Variants in ARFGEF3 observed in about 807,000 individuals in gnomAD.
ARFGEF3 encodes brefeldin A-inhibited guanine nucleotide-exchange protein 3.
ARFGEF3 carries 96 observed loss-of-function variants against 221.7 expected under a neutral mutation model. The ratio of observed to expected loss-of-function variants is 0.43; its 90% confidence interval spans 0.37 to 0.51. The LOEUF (loss-of-function observed/expected upper bound fraction) is 0.51. ARFGEF3 is among the 20% of genes least tolerant of loss of function. ARFGEF3 has a pLI of 0.00. For synonymous variants in ARFGEF3, 1,145 were observed against 1,126.8 expected (o/e 1.02, Z -0.32); for missense variants, 2,410 against 2,789.9 (o/e 0.86, Z 3.07).
rs1207324178 is a variant in ARFGEF3, at chr6:138,339,836, C to T, written c.*3350C>T. ...CCCTTGTGGTAATTTTCCAGCCTTCCCCATAGATATAAAACTAGAACACCT... is the reference window on the plus strand; with the variant it reads ...CCCTTGTGGTAATTTTCCAGCCTTCTCCATAGATATAAAACTAGAACACCT... On this transcript the variant is annotated 3_prime_UTR_variant, in exon 34 of 34. Coordinates refer to ENST00000251691, the MANE Select transcript of ARFGEF3 (RefSeq NM_020340.5). 1 of 152,180 alleles carries T rather than the reference C, an allele frequency of 6.6e-6. No homozygotes were observed. The highest frequency in any genetic ancestry group is 1.5e-5 in the Non-Finnish European group (1 of 68,056). 9.4% of individuals were successfully genotyped at this position (152,180 alleles called of 1,614,324 possible).
intron 9 of ARFGEF3, 54 bp downstream of exon 9, chr6:138,254,038 T>C (rs1240441302): frequency 1.6e-6 from 2 of 1,220,564 alleles, no homozygotes; most frequent in African/African-American, 1.5e-5. Context: ...GGGCTGCTGC[T>C]GACTGTGTCT....
intron 8 of ARFGEF3, among the ~76,000 whole-genome samples, chr6:138,251,164 G>A (rs1461289774): frequency 6.6e-6 from 1 of 152,156 alleles, no homozygotes; most frequent in East Asian, 1.9e-4. Flanking sequence ...TGATAACCTG[G>A]GGGTTGAAGT....
At chr6:138,245,976 C>G (rs1253784110) in intron 8 of ARFGEF3, among the ~76,000 whole-genome samples, 1 of 152,164 alleles carries the variant, frequency 6.6e-6, no homozygotes, top group Non-Finnish European at 1.5e-5. Context: ...ACCATGCTGC[C>G]CTTTCTTCCT....
intron 4 of ARFGEF3, chr6:138,218,080 A>C: frequency 6.2e-7 from 1 of 1,613,992 alleles, no homozygotes; most frequent in Non-Finnish European, 8.5e-7. Context: ...AATGTGAATA[A>C]TATGGCTTCT....
At chr6:138,335,323 A>C in intron 33 of ARFGEF3, 135 bp downstream of exon 33, 1 of 858,956 alleles carries the variant, frequency 1.2e-6, no homozygotes, top group East Asian at 2.8e-5. Flanking sequence ...TTTCCCTCCA[A>C]AGTCAGAGGA....
chr6:138,332,580 GGTAGCTTAA>G (rs774333213), intron 32 of ARFGEF3, among the ~76,000 whole-genome samples: 3 of 152,062 alleles, frequency 2.0e-5, no homozygotes, highest in Non-Finnish European at 2.9e-5. Flanking sequence ...CAGGTTTACT[GGTAGCTTAA>G]GTAGGAGCTG....
chr6:138,176,942 A>G (rs971354437), intron 2 of ARFGEF3, among the ~76,000 whole-genome samples: 9 of 151,542 alleles, frequency 5.9e-5, no homozygotes, highest in Non-Finnish European at 8.8e-5. Context: ...ATGTCATTCA[A>G]TTTTCTTCTA....
chr6:138,217,823 ATT>A, intron 4 of ARFGEF3: 1 of 983,468 alleles, frequency 1.0e-6, no homozygotes, highest in South Asian at 2.4e-5. Context: ...ATGGGTTTGT[ATT>A]TTAGAATTGA....
At chr6:138,185,099 G>T (rs534888521) in intron 2 of ARFGEF3, among the ~76,000 whole-genome samples, 101 of 152,274 alleles carry the variant, frequency 6.6e-4, no homozygotes, top group African/African-American at 2.3e-3. Flanking sequence ...TGCTTCCAAG[G>T]AGGCTGGCCA....
At position 138,291,079 on chromosome 6, in the gene ARFGEF3, C is replaced by G. The variant is rs976945010; in HGVS notation, c.3048-654C>G. The stretch of plus-strand genomic sequence containing the variant: ...ACTTACTCCGAGATGAGGGACCTTG[C>G]GAACCATCTTCGTCCCAGGTTCTGT... On this transcript the variant is annotated intron_variant, in intron 18 of 33. Coordinates refer to ENST00000251691, the MANE Select transcript of ARFGEF3 (RefSeq NM_020340.5). The surrounding 1 kb of genome is among the most constrained non-coding windows in gnomAD (Gnocchi z 4.5). Among the ~76,000 whole-genome samples, 5 of 152,270 alleles carry G rather than the reference C, an allele frequency of 3.3e-5. No homozygotes were observed. In the East Asian group the frequency reaches 5.8e-4, roughly 18 times the overall value.
At position 138,209,780 on chromosome 6, in the gene ARFGEF3, T is replaced by C. The variant is rs139777418; in HGVS notation, c.220-130T>C. 9.7e-5 allele frequency: 113 copies of C among 1,170,798 alleles called. No individual in the cohort carries two copies. In the African/African-American group the frequency reaches 1.6e-3, roughly 17 times the overall value. The allele number at this position is 1,170,798 out of a possible 1,614,324, so 72.5% of individuals were successfully genotyped here. Reference sequence around the variant, plus strand: ...CTTTTTAACGGCACATAGCGTAAGTTCTTTCTTAATGGCCTCCAGCTACAC... The same window carrying C: ...CTTTTTAACGGCACATAGCGTAAGTCCTTTCTTAATGGCCTCCAGCTACAC... On this transcript the variant is annotated intron_variant, in intron 3 of 33. Coordinates refer to ENST00000251691, the MANE Select transcript of ARFGEF3 (RefSeq NM_020340.5).
chr6:138,289,747 A>T (rs1562380806), intron 17 of ARFGEF3, 71 bp from the exon 18 acceptor site: 1 of 1,504,170 alleles, frequency 6.6e-7, no homozygotes, highest in Admixed American at 2.0e-5. Context: ...CATGACACAC[A>T]TTCTTTCATT....
In ARFGEF3 at chr6:138,334,740, A is replaced by G. The variant is rs1000169917; in HGVS notation, c.5894A>G (p.Asp1965Gly). The G allele has an allele frequency of 4.3e-6, 7 of 1,609,402 alleles. No homozygotes were observed. In the African/African-American group the frequency reaches 8.0e-5, roughly 18 times the overall value. Residue 1965 changes from aspartate to glycine, a missense_variant, in exon 33 of 34, where the codon GAC becomes GGC. Asp to Gly is a moderately conservative substitution (Grantham distance 94, BLOSUM62 -1). Around this residue, in one of 5 missense-constraint regions of ARFGEF3, gnomAD observed 339 missense variants for 334.9 expected, o/e 1.01. Transcript: ENST00000251691. This position sits in a 1 kb window ranked among gnomAD's most constrained non-coding sequence, Gnocchi z 5.1. ...GGGAAAGAAACCCCTTCCGAGGATG[A>G]CAGAAGCCAGTCCCGGGAGCACATG... The part of the protein sequence containing the change: ...FSGKETPSED[D>G]RSQSREHMGE...
chr6:138,193,292 C>T (rs1455912676), intron 2 of ARFGEF3, among the ~76,000 whole-genome samples: 1 of 152,168 alleles, frequency 6.6e-6, no homozygotes, highest in Non-Finnish European at 1.5e-5. Context: ...TGAGTATCAC[C>T]TTTTTATGAA....
chr6:138,260,734 A>G (rs1778776753), intron 10 of ARFGEF3, among the ~76,000 whole-genome samples: 1 of 152,178 alleles, frequency 6.6e-6, no homozygotes, highest in Non-Finnish European at 1.5e-5. Context: ...GTTAGGACTG[A>G]ACAGATTAAG....
intron 11 of ARFGEF3, among the ~76,000 whole-genome samples, chr6:138,262,472 G>A (rs1046854192): frequency 1.3e-5 from 2 of 152,142 alleles, no homozygotes; most frequent in African/African-American, 2.4e-5. Flanking sequence ...GATTACAGGC[G>A]TGAGCCACTG....
intron 2 of ARFGEF3, among the ~76,000 whole-genome samples, chr6:138,182,269 A>AT (rs1261842646): frequency 1.3e-5 from 2 of 152,144 alleles, no homozygotes; most frequent in Non-Finnish European, 2.9e-5. Context: ...AATACAGAAG[A>AT]TTTTTTATTA....
chr6:138,170,619 G>C (rs757779665), intron 1 of ARFGEF3, 43 bp from the exon 2 acceptor site: 2 of 1,041,144 alleles, frequency 1.9e-6, no homozygotes, highest in African/African-American at 3.2e-5. Context: ...TATATTCTCA[G>C]TGTTTAAATA....
intron 3 of ARFGEF3, among the ~76,000 whole-genome samples, chr6:138,209,666 T>C (rs932821444): frequency 2.0e-5 from 3 of 152,114 alleles, no homozygotes; most frequent in Admixed American, 6.5e-5. Context: ...GCCAGGCTGA[T>C]CTCCAACCCC....
Sources: gnomAD v4.1 joint callset for allele counts (sites outside exome capture counted in the v4.1 genomes callset) on GRCh38, gnomAD v4.1.1 for gene constraint, gnomAD v4.1.1 regional missense constraint, Gnocchi (gnomAD v3.1) non-coding constraint, MANE v1.5 for transcripts, NCBI Gene and HGNC (gene_info 2026-07-23, HGNC 2026-07-21) for gene names.